FHIT: variants seen among roughly 807,000 people sequenced by gnomAD.
FHIT encodes bis(5'-adenosyl)-triphosphatase.
A neutral mutation model predicts 17.9 loss-of-function variants in FHIT; 19 were observed. That is an observed-to-expected ratio of 1.06 (90% confidence interval 0.74 to 1.56). The LOEUF is 1.56. Ranked by LOEUF, FHIT falls within the 40% of genes most tolerant of loss-of-function variation. The pLI is 0.00. For synonymous variants in FHIT, 81 were observed against 69.7 expected, an observed-to-expected ratio of 1.16 and a Z score of -0.81; for missense variants, 248 against 189.2, an observed-to-expected ratio of 1.31 and a Z score of -1.82.
chr3:60,805,249 A>G (rs1553733584), intron 4 of FHIT, among the ~76,000 whole-genome samples: 1 of 152,208 alleles, frequency 6.6e-6, no homozygotes, highest in Non-Finnish European at 1.5e-5. Flanking sequence ...CACCTTAGTC[A>G]GCTTGGGCTG....
At chr3:60,227,868 G>A (rs1212474447) in intron 5 of FHIT, among the ~76,000 whole-genome samples, 1 of 152,012 alleles carries the variant, frequency 6.6e-6, no homozygotes, top group African/African-American at 2.4e-5. Flanking sequence ...GTTAATTATT[G>A]TTTTTCATTT....
At chr3:60,241,513 G>T (rs1456992324) in intron 5 of FHIT, among the ~76,000 whole-genome samples, 1 of 152,028 alleles carries the variant, frequency 6.6e-6, no homozygotes, top group Non-Finnish European at 1.5e-5. Flanking sequence ...TCTATGTAAA[G>T]GTACTATCTT....
rs1176876709 is a variant in FHIT, at chr3:60,009,163, TTATGTGTGTGTGTGTGTGTGTGTGTGTG to T, written c.279+2180_279+2207del. ...GGAACCTTCATTGTTCTCTGGGATT[TTATGTGTGTGTGTGTGTGTGTGTGTGTG>T]TGTGTGTGTGTGTGTGTGTGTGTGT... On this transcript the variant is annotated intron_variant, in intron 7 of 9. Coordinates refer to ENST00000492590, the MANE Select transcript of FHIT (RefSeq NM_002012.4). Among the ~76,000 whole-genome samples, 149 of 128,880 alleles carry T rather than the reference TTATGTGTGTGTGTGTGTGTGTGTGTGTG, an allele frequency of 1.2e-3. 1 individual carries two copies. The highest frequency in any genetic ancestry group is 2.7e-3 in the South Asian group (10 of 3,740). The allele number at this position is 128,880 out of a possible 152,430, so 84.6% of individuals were successfully genotyped here. A position where few individuals can be genotyped will look rare whatever the true frequency, so the allele number is the denominator to read the frequency against.
intron 5 of FHIT, among the ~76,000 whole-genome samples, chr3:60,294,532 A>C (rs952781387): frequency 1.4e-4 from 21 of 152,212 alleles, no homozygotes; most frequent in Non-Finnish European, 8.8e-5. Flanking sequence ...AACAATGAGT[A>C]CAGCCACATG....
At chr3:60,079,092 C>G (rs1337977072) in intron 5 of FHIT, among the ~76,000 whole-genome samples, 2 of 152,044 alleles carry the variant, frequency 1.3e-5, no homozygotes, top group Admixed American at 6.6e-5. Context: ...GGTGGACAAA[C>G]AAGATGGTGC....
chr3:60,485,378 C>G (rs574077795), intron 5 of FHIT, among the ~76,000 whole-genome samples: 1 of 152,168 alleles, frequency 6.6e-6, no homozygotes, highest in East Asian at 1.9e-4. Flanking sequence ...GCGTCATTTA[C>G]AATAGCAAAG....
At chr3:59,898,231 A>G (rs1704161100) in intron 8 of FHIT, among the ~76,000 whole-genome samples, 1 of 152,242 alleles carries the variant, frequency 6.6e-6, no homozygotes, top group African/African-American at 2.4e-5. Context: ...TACGAGGTCC[A>G]TATAAGACAT....
intron 8 of FHIT, among the ~76,000 whole-genome samples, chr3:59,916,829 A>T (rs1025921966): frequency 6.6e-6 from 1 of 152,230 alleles, no homozygotes; most frequent in African/African-American, 2.4e-5. Flanking sequence ...AAAAGTCTCC[A>T]TTAATTTAGA....
intron 1 of FHIT, among the ~76,000 whole-genome samples, chr3:61,220,889 G>A (rs1266672416): frequency 6.6e-6 from 1 of 152,042 alleles, no homozygotes; most frequent in Non-Finnish European, 1.5e-5. Context: ...CCCTTCTATG[G>A]CCTGAGACAC....
At chr3:60,139,741 G>A (rs1398353836) in intron 5 of FHIT, among the ~76,000 whole-genome samples, 19 of 150,880 alleles carry the variant, frequency 1.3e-4, no homozygotes, top group South Asian at 2.1e-4. Context: ...ATGGAATTAC[G>A]TCCCGAGGTT....
chr3:60,164,953 T>G (rs1701105724), intron 5 of FHIT, among the ~76,000 whole-genome samples: 1 of 152,122 alleles, frequency 6.6e-6, no homozygotes, highest in African/African-American at 2.4e-5. Flanking sequence ...ACAACCGACT[T>G]GTGTGAAATG....
chr3:60,051,498 A>G (rs1701878548), intron 5 of FHIT, among the ~76,000 whole-genome samples: 1 of 152,060 alleles, frequency 6.6e-6, no homozygotes, highest in African/African-American at 2.4e-5. Flanking sequence ...TACCTAGAAC[A>G]GGGACAGAGT....
chr3:60,815,676 C>A (rs1701716673), intron 4 of FHIT, among the ~76,000 whole-genome samples: 1 of 151,986 alleles, frequency 6.6e-6, no homozygotes, highest in Non-Finnish European at 1.5e-5. Flanking sequence ...GTGCCTCCAG[C>A]TTTGTTCTTT....
In FHIT at chr3:59,937,928, G is replaced by A. The variant is rs1041474232; in HGVS notation, c.280-15514C>T. Among the ~76,000 whole-genome samples the A allele has an allele frequency of 2.6e-5, 4 of 152,114 alleles. No homozygotes were observed. The East Asian group carries it at 5.8e-4, about 22-fold the overall frequency. On this transcript the variant is annotated intron_variant, in intron 7 of 9. Coordinates refer to ENST00000492590, the MANE Select transcript of FHIT (RefSeq NM_002012.4). ...ATTTTCCTTCTAACTCAAGTGAGCA[G>A]GTATTTACGTCAAAGTCACACATTT...
intron 5 of FHIT, among the ~76,000 whole-genome samples, chr3:60,533,771 A>C (rs1417068402): frequency 6.6e-6 from 1 of 152,202 alleles, no homozygotes; most frequent in Non-Finnish European, 1.5e-5. Context: ...GAGCCAGTAC[A>C]ATGAAGGTCC....
intron 5 of FHIT, among the ~76,000 whole-genome samples, chr3:60,291,368 G>A (rs541874550): frequency 7.9e-5 from 12 of 152,186 alleles, no homozygotes; most frequent in South Asian, 4.2e-4. Flanking sequence ...ATTTCTGGTC[G>A]CCTCCACCCT....
chr3:60,812,981 C>T (rs1701621261), intron 4 of FHIT, among the ~76,000 whole-genome samples: 1 of 151,650 alleles, frequency 6.6e-6, no homozygotes, highest in Non-Finnish European at 1.5e-5. Context: ...TTTAAATGTC[C>T]CCTCCAAAAA....
At chr3:61,153,595 CA>C (rs896368233) in intron 2 of FHIT, among the ~76,000 whole-genome samples, 5 of 152,106 alleles carry the variant, frequency 3.3e-5, no homozygotes, top group African/African-American at 1.2e-4. Context: ...CTCAAATTGA[CA>C]AGGTTACTGG....
chr3:61,062,905 G>A (rs933122194), intron 2 of FHIT, among the ~76,000 whole-genome samples: 1 of 152,166 alleles, frequency 6.6e-6, no homozygotes, highest in African/African-American at 2.4e-5. Flanking sequence ...AAGATGCTGT[G>A]CTACGCATTC....
Sources: gnomAD v4.1 joint callset for allele counts (sites outside exome capture counted in the v4.1 genomes callset) on GRCh38, gnomAD v4.1.1 for gene constraint, MANE v1.5 for transcripts, NCBI Gene and HGNC (gene_info 2026-07-23, HGNC 2026-07-21) for gene names.